Variants in SKA1 observed in about 807,000 individuals in gnomAD.
SKA1 encodes SKA complex subunit 1.
SKA1 carries 20 observed loss-of-function variants against 31.8 expected under a neutral mutation model. The observed-to-expected ratio is 0.63, with a 90% CI of 0.44 to 0.91. The LOEUF is 0.91. Among genes scored for constraint, SKA1 ranks in the 40% least tolerant of loss-of-function variants. The pLI, the probability that SKA1 is intolerant of heterozygous loss-of-function variation, is 0.00. For missense variants in SKA1, 253 were observed against 298.2 expected, an observed-to-expected ratio of 0.85 and a Z score of 1.12; for synonymous variants, 88 against 100.5, an observed-to-expected ratio of 0.88 and a Z score of 0.74.
chr18:50,389,532 ACCACAGGCGTGTG>A, intron 5 of SKA1, among the ~76,000 whole-genome samples: 1 of 151,718 alleles, frequency 6.6e-6, no homozygotes, highest in Non-Finnish European at 1.5e-5. Context: ...AGTAGCTGGG[ACCACAGGCGTGTG>A]CCACCACACC....
intron 3 of SKA1, among the ~76,000 whole-genome samples, chr18:50,381,191 T>G (rs2041259023): frequency 6.6e-6 from 1 of 152,254 alleles, no homozygotes; most frequent in Non-Finnish European, 1.5e-5. Context: ...CTGTTCACAT[T>G]GTGATTGGGA....
At chr18:50,391,050 C>G in intron 5 of SKA1, 74 bp from the exon 6 acceptor site, 1 of 1,096,768 alleles carries the variant, frequency 9.1e-7, no homozygotes, top group East Asian at 2.6e-5. Flanking sequence ...AGTCATCATA[C>G]TTATGTTTTT....
At chr18:50,389,833 T>C (rs1305576330) in intron 5 of SKA1, among the ~76,000 whole-genome samples, 2 of 152,088 alleles carry the variant, frequency 1.3e-5, no homozygotes, top group Non-Finnish European at 2.9e-5. Flanking sequence ...AACAGTGGAG[T>C]AGAGGATTTT....
chr18:50,378,329 T>C (rs1023637403), intron 2 of SKA1, among the ~76,000 whole-genome samples: 16 of 152,164 alleles, frequency 1.1e-4, no homozygotes, highest in African/African-American at 2.9e-4. Flanking sequence ...CTCCATAGCC[T>C]ATAAAATAAA....
Position 50,392,240 on chromosome 18 carries a change from T to C in SKA1, c.761T>C (p.Ile254Thr). The C allele has an allele frequency of 6.3e-7, 1 of 1,575,854 alleles. No individual in the cohort carries two copies. The highest frequency in any genetic ancestry group is 8.6e-7 in the Non-Finnish European group (1 of 1,166,248). ...VRGGGLTRYV[I>T]T ...GGGGGAGGACTTACTCGTTATGTTA[T>C]AACCTGAGTCCCTTGTGAACTTTTG... Residue 254 changes from isoleucine (I) to threonine (T), a missense_variant, in exon 7 of 7, where the codon ATA (isoleucine) becomes ACA (threonine). Physicochemically the swap from Ile to Thr is moderately conservative, Grantham distance 89. Transcript: ENST00000285116.
At chr18:50,382,044 T>C (rs2041267808) in intron 3 of SKA1, 85 bp from the exon 4 acceptor site, 11 of 826,480 alleles carry the variant, frequency 1.3e-5, no homozygotes, top group Non-Finnish European at 2.1e-5. Context: ...GTGATTATGG[T>C]TCACTGTTTT....
intron 2 of SKA1, among the ~76,000 whole-genome samples, chr18:50,378,544 G>A (rs899427539): frequency 4.6e-5 from 7 of 151,956 alleles, no homozygotes; most frequent in African/African-American, 1.2e-4. Context: ...GTGTGGTGGC[G>A]TTTACCTGTA....
chr18:50,376,936 C>G (rs901904622), intron 2 of SKA1, among the ~76,000 whole-genome samples: 1 of 152,010 alleles, frequency 6.6e-6, no homozygotes, highest in African/African-American at 2.4e-5. Context: ...TCTTGTTCCA[C>G]TAGAAGGTCA....
At chr18:50,378,040 T>C (rs1464444389) in intron 2 of SKA1, among the ~76,000 whole-genome samples, 1 of 152,236 alleles carries the variant, frequency 6.6e-6, no homozygotes, top group Non-Finnish European at 1.5e-5. Flanking sequence ...TTCTGTTTCT[T>C]GATTCCCATG....
Position 50,392,113 on chromosome 18 carries a change from G to C in SKA1, c.634G>C (p.Val212Leu). ...TKDTKGRYFI[V>L]EADIKEFTTL... ...TTTATTTTTAGGTCGTTATTTTATA[G>C]TGGAAGCTGACATAAAGGAGTTCAC... is the stretch of plus-strand genomic sequence containing the variant. Residue 212 changes from valine to leucine, a missense_variant, in exon 7 of 7, where the codon GTG becomes CTG. Val to Leu is a conservative substitution (Grantham distance 32). Transcript: ENST00000285116. 6.3e-7 allele frequency: 1 copy of C among 1,585,122 alleles called. No homozygotes were observed. Among genetic ancestry groups the C allele is most frequent in the Non-Finnish European group, 8.5e-7 (1 of 1,172,048 alleles).
intron 3 of SKA1, among the ~76,000 whole-genome samples, chr18:50,381,281 A>G (rs1489295059): frequency 6.6e-6 from 1 of 152,204 alleles, no homozygotes; most frequent in Non-Finnish European, 1.5e-5. Context: ...AGTTCTAGTA[A>G]AAGTTAGAGA....
intron 2 of SKA1, among the ~76,000 whole-genome samples, chr18:50,376,176 A>T (rs2041214045): frequency 6.6e-6 from 1 of 152,180 alleles, no homozygotes; most frequent in Non-Finnish European, 1.5e-5. Flanking sequence ...CAATGGTGAG[A>T]TTTGAAGGTT....
At chr18:50,387,101 G>A (rs1483005258) in intron 5 of SKA1, among the ~76,000 whole-genome samples, 1 of 152,202 alleles carries the variant, frequency 6.6e-6, no homozygotes, top group Non-Finnish European at 1.5e-5. Context: ...CCTGCCAATG[G>A]CTATACCATT....
chr18:50,382,338 G>GT (rs1031220653), intron 4 of SKA1, 112 bp downstream of exon 4: 6 of 591,346 alleles, frequency 1.0e-5, no homozygotes, highest in South Asian at 5.9e-5. Flanking sequence ...CGATGATCTA[G>GT]TTTTTTGTCA....
Position 50,380,249 on chromosome 18 carries a change from A to G in SKA1, c.212A>G (p.Lys71Arg), listed in dbSNP as rs1440380759. Residue 71 changes from lysine to arginine, a missense_variant and splice_region_variant, in exon 3 of 7, where the codon AAG becomes AGG. Transcript: ENST00000285116. ...QYQEQTNNSL[K>R]ELCESLEEDY... Reference sequence around the variant, plus strand: ...CAAGAACAAACCAACAATTCACTCAAGGTAATGTTTCTCTAATGAGGAAGC... The same window carrying G: ...CAAGAACAAACCAACAATTCACTCAGGGTAATGTTTCTCTAATGAGGAAGC... The G allele has an allele frequency of 4.5e-6, 7 of 1,541,220 alleles. No homozygotes were observed. Among genetic ancestry groups the G allele is most frequent in the Non-Finnish European group, 6.1e-6 (7 of 1,154,896 alleles).
Position 50,392,378 on chromosome 18 carries a change from T to C in SKA1, c.*131T>C. The C allele has an allele frequency of 1.7e-6, 1 of 574,574 alleles. No homozygotes were observed. The highest frequency in any genetic ancestry group is 2.5e-6 in the Non-Finnish European group (1 of 398,824). 35.6% of individuals were successfully genotyped at this position (574,574 alleles called of 1,614,324 possible). On this transcript the variant is annotated 3_prime_UTR_variant, in exon 7 of 7. Coordinates refer to ENST00000285116, the MANE Select transcript of SKA1 (RefSeq NM_145060.4). ...TTTTTTTTTTTTTTGAGACAGGATC[T>C]TGCTTTGTCACCCAGGGGCTTGCTT... is the stretch of plus-strand genomic sequence containing the variant.
intron 2 of SKA1, among the ~76,000 whole-genome samples, chr18:50,378,059 CTT>C (rs1447773208): frequency 6.6e-6 from 1 of 152,178 alleles, no homozygotes; most frequent in African/African-American, 2.4e-5. Flanking sequence ...TGTTAGTACT[CTT>C]TCTATTTTGT....
chr18:50,389,830 G>C (rs558325738), intron 5 of SKA1, among the ~76,000 whole-genome samples: 1 of 152,344 alleles, frequency 6.6e-6, no homozygotes, highest in African/African-American at 2.4e-5. Flanking sequence ...AGGAACAGTG[G>C]AGTAGAGGAT....
chr18:50,382,550 A>C (rs1483586728), intron 4 of SKA1, among the ~76,000 whole-genome samples: 2 of 151,728 alleles, frequency 1.3e-5, no homozygotes, highest in Admixed American at 1.3e-4. Flanking sequence ...TGTTATGAGA[A>C]TAGGACATTG....
Sources: allele counts gnomAD v4.1 joint callset (sites outside exome capture counted in the v4.1 genomes callset), GRCh38; gene constraint gnomAD v4.1.1; transcripts MANE v1.5; gene names NCBI Gene and HGNC (gene_info 2026-07-23, HGNC 2026-07-21).